The following EPHA5 variants were observed in gnomAD, a reference collection of about 807,000 sequenced individuals.
The protein encoded by EPHA5 is EPH receptor A5.
In EPHA5, 60 loss-of-function variants were observed where a neutral mutation model predicts 105.0. That is an observed-to-expected ratio of 0.57 (90% CI 0.46 to 0.71). EPHA5 has a LOEUF of 0.71. Ranked by LOEUF, EPHA5 falls within the 30% of genes least tolerant of loss-of-function variation. EPHA5 has a pLI of 0.00. For missense variants in EPHA5, 1,218 were observed against 1,274.7 expected (o/e 0.96, Z 0.68); for synonymous variants, 513 against 449.1 (o/e 1.14, Z -1.80).
At chr4:65,438,766 G>A (rs1578119165) in intron 5 of EPHA5, among the ~76,000 whole-genome samples, 1 of 149,492 alleles carries the variant, frequency 6.7e-6, no homozygotes, top group Admixed American at 6.7e-5. Flanking sequence ...GTTTTATTTG[G>A]AAAAAAAAAT....
intron 5 of EPHA5, among the ~76,000 whole-genome samples, chr4:65,475,945 G>T (rs946108232): frequency 1.3e-5 from 2 of 152,114 alleles, no homozygotes; most frequent in East Asian, 1.9e-4. Context: ...CAGGTATTTT[G>T]TACAGAGCAT....
intron 5 of EPHA5, among the ~76,000 whole-genome samples, chr4:65,459,634 G>A (rs1727940484): frequency 6.6e-6 from 1 of 151,418 alleles, no homozygotes; most frequent in South Asian, 2.1e-4. Flanking sequence ...CTCATACCAA[G>A]AACATATATA....
intron 5 of EPHA5, among the ~76,000 whole-genome samples, chr4:65,440,499 T>TACAGAC (rs1725904287): frequency 7.0e-6 from 1 of 143,358 alleles, no homozygotes; most frequent in Non-Finnish European, 1.5e-5. Context: ...TCCTAAATCT[T>TACAGAC]ACACACACAC....
intron 3 of EPHA5, among the ~76,000 whole-genome samples, chr4:65,567,597 A>AAATGTAATGGAATTGAAAATGTTATTG (rs1451597095): frequency 2.6e-5 from 4 of 151,744 alleles, no homozygotes; most frequent in African/African-American, 4.8e-5. Context: ...GTAATGGAAT[A>AAATGTAATGGAATTGAAAATGTTATTG]AAAATGCCAT....
intron 5 of EPHA5, among the ~76,000 whole-genome samples, chr4:65,433,137 CAG>C (rs1373675167): frequency 6.6e-6 from 1 of 152,058 alleles, no homozygotes; most frequent in Non-Finnish European, 1.5e-5. Context: ...AGTGCTGAAG[CAG>C]ATTATTCTTA....
At chr4:65,557,204 G>C (rs924598634) in intron 3 of EPHA5, among the ~76,000 whole-genome samples, 1 of 120,734 alleles carries the variant, frequency 8.3e-6, no homozygotes, top group African/African-American at 3.2e-5. Context: ...GGTTGTGGCT[G>C]AATGTATTTT....
intron 2 of EPHA5, among the ~76,000 whole-genome samples, chr4:65,617,728 T>A (rs934372647): frequency 6.6e-6 from 1 of 152,132 alleles, no homozygotes; most frequent in African/African-American, 2.4e-5. Flanking sequence ...CACATGTTTT[T>A]AAGAGTTGAT....
intron 3 of EPHA5, among the ~76,000 whole-genome samples, chr4:65,508,766 C>A (rs1425907218): frequency 6.6e-6 from 1 of 151,656 alleles, no homozygotes; most frequent in East Asian, 1.9e-4. Flanking sequence ...GCATAGATAG[C>A]TAGATATAGA....
chr4:65,483,467 A>C (rs983565897), intron 5 of EPHA5, among the ~76,000 whole-genome samples: 1 of 152,194 alleles, frequency 6.6e-6, no homozygotes, highest in Non-Finnish European at 1.5e-5. Flanking sequence ...ACTAGTTTAC[A>C]GTCCCACCAA....
intron 3 of EPHA5, among the ~76,000 whole-genome samples, chr4:65,595,469 T>C (rs1308165909): frequency 6.6e-6 from 1 of 152,172 alleles, no homozygotes; most frequent in East Asian, 1.9e-4. Flanking sequence ...GTAGTATTAT[T>C]CTTTGATAAA....
chr4:65,488,219 AC>A (rs1731065808), intron 5 of EPHA5, among the ~76,000 whole-genome samples: 2 of 152,196 alleles, frequency 1.3e-5, no homozygotes, highest in African/African-American at 4.8e-5. Context: ...GTTAAAGACA[AC>A]TATAGCAAAT....
intron 3 of EPHA5, among the ~76,000 whole-genome samples, chr4:65,556,750 C>A (rs147756422): frequency 3.8e-4 from 58 of 152,194 alleles, no homozygotes; most frequent in African/African-American, 1.4e-3. Context: ...AGAGCATTAG[C>A]TTCAGCACTT....
At chr4:65,479,699 A>T (rs1730168244) in intron 5 of EPHA5, among the ~76,000 whole-genome samples, 1 of 152,166 alleles carries the variant, frequency 6.6e-6, no homozygotes, top group African/African-American at 2.4e-5. Flanking sequence ...GGGTGAGTTG[A>T]TATGAAAAGT....
chr4:65,653,798 A>G (rs1046198613), intron 1 of EPHA5, among the ~76,000 whole-genome samples: 1 of 152,108 alleles, frequency 6.6e-6, no homozygotes, highest in Non-Finnish European at 1.5e-5. Context: ...TTTCTGTGAT[A>G]TTGTGGCAGA....
intron 7 of EPHA5, among the ~76,000 whole-genome samples, chr4:65,412,867 C>T (rs1329925399): frequency 1.3e-5 from 2 of 152,052 alleles, no homozygotes; most frequent in East Asian, 1.9e-4. Context: ...TGCCAACATC[C>T]TAAAACTGAG....
Position 65,420,525 on chromosome 4 carries a change from T to G in EPHA5, c.1443A>C (p.Ala481=). Residue 481 remains alanine, a synonymous_variant, in exon 6 of 17, where the codon GCA becomes GCC. Transcript: ENST00000613740. ...PVTNVKKGKI[A]KNSISLSWQE... Reference sequence around the variant, plus strand: ...GCCAAGACAAAGAGATGCTGTTTTTTGCAATTTTCCCTTTTTTCACATTGG... The same window carrying G: ...GCCAAGACAAAGAGATGCTGTTTTTGGCAATTTTCCCTTTTTTCACATTGG... 6.2e-7 allele frequency: 1 copy of G among 1,613,360 alleles called. No individual in the cohort carries two copies. The highest frequency in any genetic ancestry group is 8.5e-7 in the Non-Finnish European group (1 of 1,179,588).
intron 1 of EPHA5, among the ~76,000 whole-genome samples, chr4:65,649,851 G>C (rs1748442244): frequency 6.6e-6 from 1 of 152,120 alleles, no homozygotes; most frequent in Non-Finnish European, 1.5e-5. Flanking sequence ...AGTGACAACA[G>C]ATTTCTGTGG....
At chr4:65,355,078 C>G (rs1020962000) in intron 11 of EPHA5, among the ~76,000 whole-genome samples, 3 of 151,704 alleles carry the variant, frequency 2.0e-5, no homozygotes, top group African/African-American at 7.3e-5. Flanking sequence ...GTAATTTAAT[C>G]TGCACCTTGA....
At chr4:65,556,151 T>C (rs1738417312) in intron 3 of EPHA5, among the ~76,000 whole-genome samples, 1 of 152,230 alleles carries the variant, frequency 6.6e-6, no homozygotes, top group East Asian at 1.9e-4. Context: ...CACATCTTTC[T>C]ACTGACACAC....
Sources: allele counts gnomAD v4.1 joint callset (sites outside exome capture counted in the v4.1 genomes callset), GRCh38; gene constraint gnomAD v4.1.1; transcripts MANE v1.5; gene names NCBI Gene and HGNC (gene_info 2026-07-23, HGNC 2026-07-21).